Variants in KCNQ3 observed in about 807,000 individuals in gnomAD.
KCNQ3 encodes potassium voltage-gated channel subfamily KQT member 3.
In KCNQ3, 30 loss-of-function variants were observed where a neutral mutation model predicts 92.5. The ratio of observed to expected loss-of-function variants is 0.32; its 90% CI spans 0.24 to 0.44. The LOEUF is 0.44. KCNQ3 is among the 20% of genes least tolerant of loss of function. The pLI is 1.00. For synonymous variants in KCNQ3, 450 were observed against 468.8 expected (o/e 0.96, Z 0.52); for missense variants, 913 against 1,140.3 (o/e 0.80, Z 2.87).
At chr8:132,432,824 A>T (rs1352189543) in intron 1 of KCNQ3, among the ~76,000 whole-genome samples, 1 of 152,210 alleles carries the variant, frequency 6.6e-6, no homozygotes, top group Non-Finnish European at 1.5e-5. Context: ...CGAGGGCAAG[A>T]ATTAGTAGGA....
intron 1 of KCNQ3, among the ~76,000 whole-genome samples, chr8:132,431,672 G>A (rs1379295787): frequency 1.3e-5 from 2 of 152,204 alleles, no homozygotes; most frequent in Non-Finnish European, 2.9e-5. Context: ...CCCCCAGACT[G>A]GGAGAAGACA....
At chr8:132,296,902 C>T (rs1287057639) in intron 1 of KCNQ3, among the ~76,000 whole-genome samples, 1 of 151,924 alleles carries the variant, frequency 6.6e-6, no homozygotes, top group African/African-American at 2.4e-5. Flanking sequence ...TGGGTATATA[C>T]CCAGTAATGG....
intron 1 of KCNQ3, among the ~76,000 whole-genome samples, chr8:132,238,608 A>T (rs1046340597): frequency 6.6e-6 from 1 of 152,030 alleles, no homozygotes; most frequent in Non-Finnish European, 1.5e-5. Context: ...CAACATTCTC[A>T]TTCTTCTCTC....
chr8:132,194,998 G>A (rs1171845524), intron 1 of KCNQ3, among the ~76,000 whole-genome samples: 1 of 152,146 alleles, frequency 6.6e-6, no homozygotes, highest in African/African-American at 2.4e-5. Context: ...TCTTTTACCT[G>A]ATTACAACCC....
intron 1 of KCNQ3, among the ~76,000 whole-genome samples, chr8:132,418,723 G>T (rs1913724): frequency 0.61 from 92,299 of 151,990 alleles, 28,592 homozygotes; most frequent in African/African-American, 0.68. Context: ...GAAGCAGAGG[G>T]TGCAGTGAGC....
chr8:132,188,384 T>A (rs1827064681), intron 1 of KCNQ3, among the ~76,000 whole-genome samples: 1 of 152,230 alleles, frequency 6.6e-6, no homozygotes, highest in Non-Finnish European at 1.5e-5. Context: ...GTCCACATTA[T>A]GATTCTCTCA....
intron 1 of KCNQ3, among the ~76,000 whole-genome samples, chr8:132,308,071 G>A (rs1226733993): frequency 6.6e-6 from 1 of 152,176 alleles, no homozygotes; most frequent in Admixed American, 6.5e-5. Context: ...GTCAGGCCCA[G>A]CAGGGAGCTG....
At chr8:132,325,846 T>C (rs1171070735) in intron 1 of KCNQ3, among the ~76,000 whole-genome samples, 1 of 152,200 alleles carries the variant, frequency 6.6e-6, no homozygotes, top group African/African-American at 2.4e-5. Context: ...TGTGTCTAAT[T>C]CTGGGATCTC....
At chr8:132,151,519 T>G (rs556039267) in intron 9 of KCNQ3, among the ~76,000 whole-genome samples, 2 of 152,358 alleles carry the variant, frequency 1.3e-5, no homozygotes, top group South Asian at 4.1e-4. Context: ...GGGTATTATA[T>G]GGTTTTTCTG....
chr8:132,338,643 C>A lies in KCNQ3; in HGVS notation c.386+141504G>T, dbSNP rs1002239475. On this transcript the variant is annotated intron_variant, in intron 1 of 14. Transcript: ENST00000388996. Reference sequence around the variant, plus strand: ...TGTGAGAACACTCAGTAGCGTCACCCTCAAATGGCGCCCGCCAGTCCAGAA... The same window carrying A: ...TGTGAGAACACTCAGTAGCGTCACCATCAAATGGCGCCCGCCAGTCCAGAA... Among the ~76,000 whole-genome samples, 3 of 152,138 alleles carry A rather than the reference C, an allele frequency of 2.0e-5. 1 individual carries two copies. The highest frequency in any genetic ancestry group is 4.4e-5 in the Non-Finnish European group (3 of 68,034).
At chr8:132,452,883 A>T (rs1303788454) in intron 1 of KCNQ3, among the ~76,000 whole-genome samples, 1 of 152,202 alleles carries the variant, frequency 6.6e-6, no homozygotes, top group East Asian at 1.9e-4. Context: ...TGAACTTGAC[A>T]TGATGTTTGC....
At chr8:132,222,589 G>A (rs1191723601) in intron 1 of KCNQ3, among the ~76,000 whole-genome samples, 1 of 152,206 alleles carries the variant, frequency 6.6e-6, no homozygotes, top group Non-Finnish European at 1.5e-5. Flanking sequence ...ATTCTAAGAG[G>A]AGCCAATTCA....
At chr8:132,396,264 A>G (rs1820191765) in intron 1 of KCNQ3, among the ~76,000 whole-genome samples, 1 of 152,136 alleles carries the variant, frequency 6.6e-6, no homozygotes, top group African/African-American at 2.4e-5. Flanking sequence ...TCCAGTTTCC[A>G]TGGAGCATCA....
At chr8:132,381,830 T>C (rs1351557361) in intron 1 of KCNQ3, among the ~76,000 whole-genome samples, 4 of 152,206 alleles carry the variant, frequency 2.6e-5, no homozygotes. Context: ...CACAACCTTG[T>C]ACACCAGGGG....
chr8:132,416,083 A>G (rs1222257096), intron 1 of KCNQ3, among the ~76,000 whole-genome samples: 1 of 152,234 alleles, frequency 6.6e-6, no homozygotes, highest in Non-Finnish European at 1.5e-5. Flanking sequence ...TTCTACCAGA[A>G]GACACCTTCC....
intron 1 of KCNQ3, among the ~76,000 whole-genome samples, chr8:132,269,331 G>C (rs191587685): frequency 7.2e-5 from 11 of 152,130 alleles, no homozygotes; most frequent in Admixed American, 5.2e-4. Context: ...CTATAGTTTT[G>C]TGTTTCACAT....
rs1255287699 is a variant in KCNQ3 at position 132,126,937 on chromosome 8, T to C, written c.*2325A>G. ...AAGTTAAAAAATTAATTGGCGCATATGTGGAGAGTATGACTCACTCTCCTT... is the reference window on the plus strand; with the variant it reads ...AAGTTAAAAAATTAATTGGCGCATACGTGGAGAGTATGACTCACTCTCCTT... On this transcript the variant is annotated 3_prime_UTR_variant, in exon 15 of 15. Transcript: ENST00000388996. 6.6e-6 allele frequency: 1 copy of C among 152,194 alleles called. No homozygotes were observed. The highest frequency in any genetic ancestry group is 2.4e-5 in the African/African-American group (1 of 41,448). 9.4% of individuals were successfully genotyped at this position (152,194 alleles called of 1,614,324 possible).
chr8:132,349,520 C>A (rs937742037), intron 1 of KCNQ3, among the ~76,000 whole-genome samples: 1 of 152,206 alleles, frequency 6.6e-6, no homozygotes, highest in Non-Finnish European at 1.5e-5. Flanking sequence ...ACGTGACTTG[C>A]TTTTGACTAA....
At chr8:132,442,312 TC>T (rs1204269390) in intron 1 of KCNQ3, among the ~76,000 whole-genome samples, 3 of 152,172 alleles carry the variant, frequency 2.0e-5, no homozygotes, top group Non-Finnish European at 2.9e-5. Flanking sequence ...CTCTGAGCTG[TC>T]CCAGGAGTAT....
Sources: allele counts gnomAD v4.1 joint callset (sites outside exome capture counted in the v4.1 genomes callset), GRCh38; gene constraint gnomAD v4.1.1; transcripts MANE v1.5; gene names NCBI Gene and HGNC (gene_info 2026-07-23, HGNC 2026-07-21).